CRHR1: variants seen among roughly 807,000 people sequenced by gnomAD.
The protein encoded by CRHR1 is corticotropin releasing hormone receptor 1.
Under a neutral mutation model 56.0 loss-of-function variants are expected in CRHR1, and 28 were observed. The observed-to-expected ratio is 0.50, with a 90% CI of 0.37 to 0.69. The LOEUF (loss-of-function observed/expected upper bound fraction) is 0.69, where lower values mean the gene tolerates loss of function less well. Among genes scored for constraint, CRHR1 ranks in the 30% least tolerant of loss-of-function variants. The pLI is 0.00. For synonymous variants in CRHR1, 195 were observed against 216.5 expected (o/e 0.90, Z 0.87); for missense variants, 376 against 548.0 (o/e 0.69, Z 3.13).
chr17:45,804,810 A>G (rs2061690136), intron 1 of CRHR1, among the ~76,000 whole-genome samples: 1 of 81,684 alleles, frequency 1.2e-5, no homozygotes, highest in Non-Finnish European at 2.4e-5. Context: ...CAGTAATCGC[A>G]ATAGATAATT....
intron 1 of CRHR1, among the ~76,000 whole-genome samples, chr17:45,797,540 A>G (rs934159280): frequency 6.6e-5 from 10 of 151,644 alleles, no homozygotes; most frequent in Admixed American, 2.0e-4. Flanking sequence ...GGCCTCCCAA[A>G]GTGCTGGGAT....
At chr17:45,804,255 G>A (rs2061680007) in intron 1 of CRHR1, among the ~76,000 whole-genome samples, 1 of 151,968 alleles carries the variant, frequency 6.6e-6, no homozygotes, top group Non-Finnish European at 1.5e-5. Context: ...ACAGGATGGG[G>A]GTGTGAGGCT....
intron 2 of CRHR1, among the ~76,000 whole-genome samples, 195 bp downstream of exon 2, chr17:45,807,292 G>C (rs1184062919): frequency 6.6e-6 from 1 of 152,228 alleles, no homozygotes; most frequent in Admixed American, 6.5e-5. Context: ...TGGGTGTAAG[G>C]TTGGTGGGGA....
intron 2 of CRHR1, among the ~76,000 whole-genome samples, chr17:45,811,905 T>C (rs904007036): frequency 1.3e-5 from 2 of 152,194 alleles, no homozygotes; most frequent in Non-Finnish European, 2.9e-5. Context: ...GTAAGCACCA[T>C]GAGGACAGGG....
At chr17:45,829,417 G>C in intron 5 of CRHR1, 96 bp downstream of exon 5, 1 of 1,364,426 alleles carries the variant, frequency 7.3e-7, no homozygotes, top group Admixed American at 2.0e-5. Flanking sequence ...TGGGGTGGGG[G>C]TTGCTGGGAG....
chr17:45,796,650 T>C (rs1378022257), intron 1 of CRHR1, among the ~76,000 whole-genome samples: 5 of 152,284 alleles, frequency 3.3e-5, no homozygotes, highest in South Asian at 2.1e-4. Context: ...GTCTCTCGTT[T>C]GAACAGTGGG....
chr17:45,798,749 C>T (rs1017974243), intron 1 of CRHR1, among the ~76,000 whole-genome samples: 4 of 3,934 alleles, frequency 1.0e-3, no homozygotes, highest in South Asian at 0.011. Context: ...GCAGGGAGGG[C>T]GGGCGGGGGC....
At chr17:45,822,758 G>A (rs1303402014) in intron 4 of CRHR1, among the ~76,000 whole-genome samples, 1 of 152,114 alleles carries the variant, frequency 6.6e-6, no homozygotes, top group East Asian at 1.9e-4. Context: ...GGCTGAGGCA[G>A]GAGAATCGCT....
chr17:45,820,464 A>T (rs1393289460), intron 3 of CRHR1, among the ~76,000 whole-genome samples: 1 of 152,188 alleles, frequency 6.6e-6, no homozygotes, highest in Non-Finnish European at 1.5e-5. Context: ...AGGGCCCTAA[A>T]GCCAGGCATC....
chr17:45,829,676 G>T (rs2062249928), intron 5 of CRHR1: 14 of 1,543,898 alleles, frequency 9.1e-6, no homozygotes, highest in Non-Finnish European at 1.2e-5. Context: ...TACCGCCAAG[G>T]ATGCAGGTGG....
intron 1 of CRHR1, among the ~76,000 whole-genome samples, chr17:45,793,660 T>C (rs1408910576): frequency 6.6e-6 from 1 of 152,208 alleles, no homozygotes; most frequent in Admixed American, 6.5e-5. Context: ...CCTCATGGCC[T>C]GACTGTGGAA....
chr17:45,811,800 G>A (rs2061830166), intron 2 of CRHR1, among the ~76,000 whole-genome samples: 1 of 152,202 alleles, frequency 6.6e-6, no homozygotes, highest in Admixed American at 6.5e-5. Flanking sequence ...ACCTTGGTCA[G>A]CCTTTATCTC....
Position 45,830,121 on chromosome 17 carries a change from C to T in CRHR1, c.462C>T (p.Ile154=), listed in dbSNP as rs764554865. Reference sequence around the variant, plus strand: ...GCATCCGGTGCCTGCGAAACATCATCCACTGGAACCTCATCTCCGCCTTCA... The same window carrying T: ...GCATCCGGTGCCTGCGAAACATCATTCACTGGAACCTCATCTCCGCCTTCA... The part of the protein sequence containing the change: ...LRSIRCLRNI[I]HWNLISAFIL... The change falls in exon 6 of 13, where the codon ATC becomes ATT. Residue 154 remains isoleucine, a synonymous_variant. Transcript: ENST00000314537. The T allele has an allele frequency of 3.7e-6, 6 of 1,614,136 alleles. No individual in the cohort carries two copies. In the South Asian group the frequency reaches 6.6e-5, roughly 18 times the overall value.
At chr17:45,810,760 G>A (rs2061807366) in intron 2 of CRHR1, among the ~76,000 whole-genome samples, 1 of 152,216 alleles carries the variant, frequency 6.6e-6, no homozygotes, top group African/African-American at 2.4e-5. Context: ...CACTTGTCCT[G>A]ATGGATCACA....
chr17:45,784,324 A>C lies in CRHR1; in HGVS notation c.-221A>C. Reference sequence around the variant, plus strand: ...GGCCGCGGGCCGGGCTGCGTCGGGAAACGGCGGCCAGACTTCCCCGGGAAG... The same window carrying C: ...GGCCGCGGGCCGGGCTGCGTCGGGACACGGCGGCCAGACTTCCCCGGGAAG... On this transcript the variant is annotated 5_prime_UTR_variant, in exon 1 of 13. Coordinates refer to ENST00000314537, the MANE Select transcript of CRHR1 (RefSeq NM_004382.5). This position sits in a 1 kb window ranked among gnomAD's most constrained non-coding sequence, Gnocchi z 4.2. The C allele has an allele frequency of 3.7e-6, 1 of 269,294 alleles. No homozygotes were observed. The highest frequency in any genetic ancestry group is 6.7e-5 in the East Asian group (1 of 14,826). 16.7% of individuals were successfully genotyped at this position (269,294 alleles called of 1,614,324 possible). A position where few individuals can be genotyped will look rare whatever the true frequency, so the allele number is the denominator to read the frequency against.
intron 4 of CRHR1, among the ~76,000 whole-genome samples, chr17:45,822,912 G>A (rs765673579): frequency 5.3e-5 from 8 of 150,870 alleles, no homozygotes; most frequent in South Asian, 2.1e-4. Context: ...TTGGGAGGAC[G>A]AGGCAGGCAG....
intron 1 of CRHR1, chr17:45,800,195 C>G (rs2061597046): frequency 6.6e-6 from 1 of 152,294 alleles, no homozygotes; most frequent in African/African-American, 2.4e-5. Flanking sequence ...GTCCTGGACT[C>G]TTTGAATGAA....
chr17:45,834,552 C>A, intron 12 of CRHR1, 72 bp from the exon 13 acceptor site: 2 of 1,524,606 alleles, frequency 1.3e-6, no homozygotes, highest in Non-Finnish European at 1.8e-6. Context: ...CACAGCTGCT[C>A]GTGGCGGCCC....
chr17:45,834,720 A>AC lies in CRHR1; in HGVS notation c.1207dup (p.Arg403ProfsTer36). Reference sequence around the variant, plus strand: ...TGCCATGTCCATCCCCACCTCCCCAACCCGTGTCAGCTTTCACAGCATCAA... The same window carrying AC: ...TGCCATGTCCATCCCCACCTCCCCAACCCCGTGTCAGCTTTCACAGCATCAA... On this transcript the variant is annotated frameshift_variant, in exon 13 of 13. Transcript: ENST00000314537. LOFTEE classifies it high-confidence loss of function. 1 of 1,613,716 alleles carries AC rather than the reference A, an allele frequency of 6.2e-7. No individual in the cohort carries two copies. Among genetic ancestry groups the AC allele is most frequent in the Non-Finnish European group, 8.5e-7 (1 of 1,179,968 alleles).
Sources: allele counts gnomAD v4.1 joint callset (sites outside exome capture counted in the v4.1 genomes callset), GRCh38; gene constraint gnomAD v4.1.1; non-coding constraint Gnocchi (gnomAD v3.1); transcripts MANE v1.5; gene names NCBI Gene and HGNC (gene_info 2026-07-23, HGNC 2026-07-21).